The following RNF19A variants were observed in gnomAD, a reference collection of about 807,000 sequenced individuals.
The protein encoded by RNF19A is ring finger protein 19A, RBR E3 ubiquitin protein ligase.
In RNF19A, 32 loss-of-function variants were observed where a neutral mutation model predicts 75.7. The ratio of observed to expected loss-of-function variants is 0.42; its 90% CI spans 0.32 to 0.57. The LOEUF (loss-of-function observed/expected upper bound fraction) is 0.57. RNF19A is among the 20% of genes least tolerant of loss of function. RNF19A has a pLI of 0.10. For synonymous variants in RNF19A, 335 were observed against 345.2 expected, an observed-to-expected ratio of 0.97 and a Z score of 0.33; for missense variants, 782 against 1,036.3, an observed-to-expected ratio of 0.75 and a Z score of 3.37.
At chr8:100,276,537 A>T (rs1282687236) in intron 2 of RNF19A, among the ~76,000 whole-genome samples, 1 of 151,946 alleles carries the variant, frequency 6.6e-6, no homozygotes, top group Non-Finnish European at 1.5e-5. Flanking sequence ...AGATCACTTG[A>T]GGTCAGGAGT....
At chr8:100,327,169 T>C (rs1394538918) in intron 1 of RNF19A, among the ~76,000 whole-genome samples, 1 of 152,074 alleles carries the variant, frequency 6.6e-6, no homozygotes, top group Non-Finnish European at 1.5e-5. Flanking sequence ...ATTATTCTCA[T>C]CTTCTGGCTA....
At chr8:100,304,501 T>C (rs1009760098) in intron 1 of RNF19A, among the ~76,000 whole-genome samples, 10 of 152,298 alleles carry the variant, frequency 6.6e-5, no homozygotes, top group Middle Eastern at 3.4e-3. Context: ...CACCCCCACT[T>C]ACGCACTCAC....
At chr8:100,279,409 C>T (rs570897963) in intron 2 of RNF19A, among the ~76,000 whole-genome samples, 59 of 152,142 alleles carry the variant, frequency 3.9e-4, no homozygotes, top group African/African-American at 6.3e-4. Flanking sequence ...AATCTTACTC[C>T]GTCACCCAGG....
Position 100,275,103 on chromosome 8 carries a change from C to T in RNF19A, c.733G>A (p.Gly245Ser). The T allele has an allele frequency of 6.2e-7, 1 of 1,614,102 alleles. No homozygotes were observed. The highest frequency in any genetic ancestry group is 1.1e-5 in the South Asian group (1 of 91,086). ...SCPKLTCGRE[G>S]CGTEFCYHCK... is the part of the protein sequence containing the mutation. ...TGGTAGCAAAACTCTGTTCCACAGC[C>T]CTCTCGCCCACAAGTTAATTTTGGA... The change falls in exon 3 of 10, where the codon GGC becomes AGC. Residue 245 changes from glycine (G) to serine (S), a missense_variant. Gly to Ser is a moderately conservative substitution (Grantham distance 56). Around this residue, in one of 7 missense-constraint regions of RNF19A, gnomAD observed 85 missense variants for 177.7 expected, o/e 0.48. Coordinates refer to ENST00000341084, the MANE Select transcript of RNF19A (RefSeq NM_183419.4). The surrounding 1 kb of genome is among the most constrained non-coding windows in gnomAD (Gnocchi z 4.3).
chr8:100,275,585 A>G lies in RNF19A; in HGVS notation c.675-424T>C, dbSNP rs140579421. ...ACTTTTAAGTAGGATACCAAATTGC[A>G]TTTAGCCTAATCTCAATTTTATAAA... On this transcript the variant is annotated intron_variant, in intron 2 of 9. Coordinates refer to ENST00000341084, the MANE Select transcript of RNF19A (RefSeq NM_183419.4). The surrounding 1 kb of genome is among the most constrained non-coding windows in gnomAD (Gnocchi z 4.3). Among the ~76,000 whole-genome samples, 76 of 152,222 alleles carry G rather than the reference A, an allele frequency of 5.0e-4. No individual in the cohort carries two copies. The highest frequency in any genetic ancestry group is 1.6e-3 in the African/African-American group (68 of 41,538).
chr8:100,308,486 C>T (rs1231296981), intron 1 of RNF19A, among the ~76,000 whole-genome samples: 1 of 151,998 alleles, frequency 6.6e-6, no homozygotes, highest in Non-Finnish European at 1.5e-5. Context: ...ATAGTTCAGT[C>T]AGTGTTAAAG....
intron 1 of RNF19A, among the ~76,000 whole-genome samples, chr8:100,288,932 C>A (rs1202615679): frequency 2.0e-5 from 3 of 151,860 alleles, no homozygotes; most frequent in Admixed American, 2.0e-4. Flanking sequence ...TGGTGGCGGG[C>A]CCCTGTAGTC....
intron 1 of RNF19A, among the ~76,000 whole-genome samples, chr8:100,328,280 G>A (rs867660374): frequency 1.5e-4 from 23 of 152,156 alleles, no homozygotes; most frequent in Middle Eastern, 3.4e-3. Flanking sequence ...GCAGTGTTGG[G>A]GCTGAGACTC....
intron 2 of RNF19A, among the ~76,000 whole-genome samples, chr8:100,285,009 CT>C (rs2129890700): frequency 1.3e-5 from 2 of 152,274 alleles, no homozygotes; most frequent in South Asian, 4.1e-4. Flanking sequence ...CACATCCCCT[CT>C]TCCTACTCTC....
rs1490724359 is a variant in RNF19A, at chr8:100,332,433, G to A, written c.-243+3675C>T. Among the ~76,000 whole-genome samples, 1 of 152,184 alleles carries A rather than the reference G, an allele frequency of 6.6e-6. No homozygotes were observed. Among genetic ancestry groups the A allele is most frequent in the Non-Finnish European group, 1.5e-5 (1 of 68,028 alleles). On this transcript the variant is annotated intron_variant, in intron 1 of 3. Coordinates refer to the RNF19A transcript ENST00000519527. This position sits in a 1 kb window ranked among gnomAD's most constrained non-coding sequence, Gnocchi z 4.8. ...GCCTGCTTCTCGTTCCACCATGATT[G>A]TAAGTTTTCTGAGGCCTCCTTGGCC...
intron 1 of RNF19A, among the ~76,000 whole-genome samples, chr8:100,328,590 G>A (rs1055895517): frequency 1.3e-5 from 2 of 151,942 alleles, no homozygotes; most frequent in African/African-American, 4.8e-5. Context: ...TCTTGCCTCA[G>A]CTCCCTGTGT....
intron 1 of RNF19A, among the ~76,000 whole-genome samples, chr8:100,316,672 C>T (rs180986024): frequency 1.3e-5 from 2 of 152,190 alleles, no homozygotes; most frequent in Non-Finnish European, 1.5e-5. Flanking sequence ...AAAGACTCTC[C>T]ACGTCCCCAC....
At chr8:100,277,812 T>A (rs754868272) in intron 2 of RNF19A, among the ~76,000 whole-genome samples, 16 of 152,188 alleles carry the variant, frequency 1.1e-4, no homozygotes, top group Non-Finnish European at 2.2e-4. Flanking sequence ...AAAGTTTTAA[T>A]CTAAAGTATC....
chr8:100,263,930 G>T lies in RNF19A; in HGVS notation c.1468+104C>A, dbSNP rs1337708115. On this transcript the variant is annotated intron_variant, in intron 7 of 9. Coordinates refer to ENST00000341084, the MANE Select transcript of RNF19A (RefSeq NM_183419.4). ...TTCTGAATGAATACTATTAGGCCTA[G>T]TAAAAGGATGGCAATGGAAATTCTG... 3 of 949,034 alleles carry T rather than the reference G, an allele frequency of 3.2e-6. No individual in the cohort carries two copies. The African/African-American group carries it at 4.9e-5, about 15-fold the overall frequency. 58.8% of individuals were successfully genotyped at this position (949,034 alleles called of 1,614,324 possible).
In RNF19A at chr8:100,269,356, G is replaced by A. The variant is rs1328984005; in HGVS notation, c.1029-409C>T. Reference sequence around the variant, plus strand: ...GCCTAAACGATAAAATTTATGTATGGGAAAATTCAATGAAGTATAAGGTAA... The same window carrying A: ...GCCTAAACGATAAAATTTATGTATGAGAAAATTCAATGAAGTATAAGGTAA... On this transcript the variant is annotated intron_variant, in intron 4 of 9. Transcript: ENST00000341084. The surrounding 1 kb of genome is among the most constrained non-coding windows in gnomAD (Gnocchi z 5.7). 1.3e-5 allele frequency among the ~76,000 whole-genome samples: 2 copies of A among 150,184 alleles called. No individual in the cohort carries two copies. Among genetic ancestry groups the A allele is most frequent in the Non-Finnish European group, 3.0e-5 (2 of 67,656 alleles).
chr8:100,273,068 C>T (rs1438689128), intron 3 of RNF19A, among the ~76,000 whole-genome samples: 1 of 151,976 alleles, frequency 6.6e-6, no homozygotes, highest in Non-Finnish European at 1.5e-5. Context: ...AGTCTCGCCA[C>T]ATTGCCTAGG....
At chr8:100,297,703 C>T (rs907789241) in intron 1 of RNF19A, among the ~76,000 whole-genome samples, 6 of 152,206 alleles carry the variant, frequency 3.9e-5, no homozygotes, top group Non-Finnish European at 7.3e-5. Context: ...CTGAGTACTA[C>T]ACATGGTTCT....
At chr8:100,306,506 A>G (rs1193501100) in intron 1 of RNF19A, among the ~76,000 whole-genome samples, 1 of 152,242 alleles carries the variant, frequency 6.6e-6, no homozygotes, top group Admixed American at 6.5e-5. Context: ...ATCAATAAAA[A>G]TAATTCTTCA....
intron 3 of RNF19A, 47 bp downstream of exon 3, chr8:100,274,906 A>T (rs1763700417): frequency 2.1e-6 from 3 of 1,431,438 alleles, no homozygotes; most frequent in East Asian, 4.6e-5. Context: ...TAAAATAACT[A>T]GTGTTTTGTG....
Sources: allele counts gnomAD v4.1 joint callset (sites outside exome capture counted in the v4.1 genomes callset), GRCh38; gene constraint gnomAD v4.1.1; regional missense constraint gnomAD v4.1.1; non-coding constraint Gnocchi (gnomAD v3.1); transcripts MANE v1.5; gene names NCBI Gene and HGNC (gene_info 2026-07-23, HGNC 2026-07-21).